The following HOMER2 variants were observed in gnomAD, a reference collection of about 807,000 sequenced individuals.
HOMER2 encodes homer protein homolog 2.
Under a neutral mutation model 47.0 loss-of-function variants are expected in HOMER2, and 27 were observed. The observed-to-expected ratio is 0.57, with a 90% CI of 0.42 to 0.79. HOMER2 has a LOEUF of 0.79. Ranked by LOEUF, HOMER2 falls within the 30% of genes least tolerant of loss-of-function variation. HOMER2 has a pLI of 0.00. For missense variants in HOMER2, 443 were observed against 435.0 expected (o/e 1.02, Z -0.16); for synonymous variants, 161 against 163.8 (o/e 0.98, Z 0.13).
chr15:82,872,032 C>T (rs2052191704), intron 3 of HOMER2, among the ~76,000 whole-genome samples: 1 of 152,146 alleles, frequency 6.6e-6, no homozygotes, highest in South Asian at 2.1e-4. Context: ...CAGGACGGGC[C>T]TGCCAGGGAT....
At chr15:82,918,142 C>T (rs1158024345) in intron 1 of HOMER2, among the ~76,000 whole-genome samples, 1 of 152,140 alleles carries the variant, frequency 6.6e-6, no homozygotes, top group Non-Finnish European at 1.5e-5. Context: ...GTCCCAGTGT[C>T]TACTCTCATA....
intron 1 of HOMER2, chr15:82,926,084 A>G (rs2053846116): frequency 6.6e-6 from 1 of 152,280 alleles, no homozygotes; most frequent in Admixed American, 6.5e-5. Flanking sequence ...CAACCCATCT[A>G]TAATCTTCAT....
chr15:82,894,563 C>T (rs1230605258), intron 1 of HOMER2, among the ~76,000 whole-genome samples: 3 of 150,594 alleles, frequency 2.0e-5, no homozygotes, highest in Non-Finnish European at 4.4e-5. Flanking sequence ...CCCAGCTACT[C>T]GGGAGGCTGA....
At chr15:82,853,445 C>T (rs776230114) in intron 6 of HOMER2, among the ~76,000 whole-genome samples, 6 of 152,134 alleles carry the variant, frequency 3.9e-5, no homozygotes, top group Non-Finnish European at 5.9e-5. Flanking sequence ...AAAAATGACA[C>T]GAGACACTTT....
intron 3 of HOMER2, among the ~76,000 whole-genome samples, chr15:82,874,970 G>A (rs781303388): frequency 1.3e-5 from 2 of 152,224 alleles, no homozygotes; most frequent in South Asian, 2.1e-4. Flanking sequence ...CAGTCTGTGC[G>A]CTGATACCAC....
downstream of HOMER2, chr15:82,836,241 G>C (rs2051124878): frequency 6.6e-6 from 1 of 152,396 alleles, no homozygotes; most frequent in East Asian, 1.9e-4. Flanking sequence ...TCAGAGCCAA[G>C]GAAGTGGGGA....
chr15:82,941,552 C>T (rs2054267113), intron 1 of HOMER2, among the ~76,000 whole-genome samples: 1 of 151,686 alleles, frequency 6.6e-6, no homozygotes, highest in Non-Finnish European at 1.5e-5. Flanking sequence ...GTATAGTGCG[C>T]TCCTGCCACC....
intron 1 of HOMER2, among the ~76,000 whole-genome samples, chr15:82,931,331 G>A (rs1343639730): frequency 2.0e-5 from 3 of 152,162 alleles, no homozygotes; most frequent in Admixed American, 2.0e-4. Flanking sequence ...CATTCTTAGT[G>A]TACTCCACTT....
intron 1 of HOMER2, chr15:82,952,154 A>G (rs1429398947): frequency 1.7e-6 from 1 of 603,102 alleles, no homozygotes; most frequent in Admixed American, 6.3e-5. Flanking sequence ...CCAAACGTGG[A>G]GAACGACAAA....
chr15:82,911,203 A>ATCTTCAAAAAGAATAACTGTGCT (rs1348995336), intron 1 of HOMER2, among the ~76,000 whole-genome samples: 1 of 152,198 alleles, frequency 6.6e-6, no homozygotes, highest in Non-Finnish European at 1.5e-5. Context: ...AAACAAAGAA[A>ATCTTCAAAAAGAATAACTGTGCT]TCTTCAAAAA....
Position 82,864,232 on chromosome 15 carries a change from C to T in HOMER2, c.322G>A (p.Glu108Lys). ...TTGTCTTTGGCTATCTTGGCAGCTT[C>T]TTTCACCTCCTGGAATTTCTCTGCA... ...KFAEKFQEVK[E>K]AAKIAKDKTQ... The change falls in exon 4 of 9, where the codon GAA becomes AAA. Residue 108 changes from glutamate (E) to lysine (K), a missense_variant. Transcript: ENST00000450735. The T allele has an allele frequency of 6.2e-7, 1 of 1,612,304 alleles. No homozygotes were observed. The highest frequency in any genetic ancestry group is 1.7e-4 in the Middle Eastern group (1 of 6,054).
exon 2 of HOMER2, chr15:82,836,980 A>G (rs929147639): frequency 2.3e-4 from 35 of 152,296 alleles, no homozygotes; most frequent in African/African-American, 8.2e-4. Context: ...TTACAGTTCC[A>G]TAGTCAGAAG....
At chr15:82,836,624 G>C (rs1026409189), downstream of HOMER2, among the ~76,000 whole-genome samples, 1 of 152,188 alleles carries the variant, frequency 6.6e-6, no homozygotes, top group African/African-American at 2.4e-5. Context: ...TTGGGAGTCT[G>C]GTACAAAGGA....
At position 82,914,178 on chromosome 15, in the gene HOMER2, TACACACACACACACACACAC is replaced by T. The variant is rs58323062; in HGVS notation, c.6-21357_6-21338del. Among the ~76,000 whole-genome samples, 278 of 116,808 alleles carry T rather than the reference TACACACACACACACACACAC, an allele frequency of 2.4e-3. 1 individual carries two copies. Among genetic ancestry groups the T allele is most frequent in the Admixed American group, 0.017 (191 of 11,296 alleles). The allele number at this position is 116,808 out of a possible 152,430, so 76.6% of individuals were successfully genotyped here. On this transcript the variant is annotated intron_variant, in intron 1 of 8. Transcript: ENST00000450735. ...GGTGAAACCCCATCTCTACTAAAAA[TACACACACACACACACACAC>T]ACACACACACACACACACACACACA... is the stretch of plus-strand genomic sequence containing the variant.
chr15:82,906,231 C>T (rs570605015), intron 1 of HOMER2, among the ~76,000 whole-genome samples: 4 of 151,958 alleles, frequency 2.6e-5, no homozygotes, highest in African/African-American at 7.2e-5. Context: ...ATGAAATGCT[C>T]AATTACAACT....
chr15:82,837,901 G>C (rs536162531), exon 2 of HOMER2: 1 of 152,338 alleles, frequency 6.6e-6, no homozygotes, highest in African/African-American at 2.4e-5. Flanking sequence ...TTTAACAGCT[G>C]TAAGTATGAA....
chr15:82,846,728 G>C (rs923407417), downstream of HOMER2: 1 of 152,162 alleles, frequency 6.6e-6, no homozygotes, highest in Non-Finnish European at 1.5e-5. Context: ...ATGAAACTGA[G>C]GGGCCACACA....
At chr15:82,916,531 G>C (rs1479267821) in intron 1 of HOMER2, among the ~76,000 whole-genome samples, 1 of 152,156 alleles carries the variant, frequency 6.6e-6, no homozygotes, top group Non-Finnish European at 1.5e-5. Context: ...GCTGCAATGA[G>C]AAGTCTTATC....
chr15:82,835,587 T>C (rs1392996175), downstream of HOMER2: 6 of 152,524 alleles, frequency 3.9e-5, no homozygotes, highest in Non-Finnish European at 8.8e-5. Flanking sequence ...GGGTCTGTCA[T>C]GTGTGCTACC....
Sources: gnomAD v4.1 joint callset for allele counts (sites outside exome capture counted in the v4.1 genomes callset) on GRCh38, gnomAD v4.1.1 for gene constraint, MANE v1.5 for transcripts, NCBI Gene and HGNC (gene_info 2026-07-23, HGNC 2026-07-21) for gene names.